Variants in TFEC observed in about 807,000 individuals in gnomAD.
TFEC encodes class E basic helix-loop-helix protein 34.
Under a neutral mutation model 41.6 loss-of-function variants are expected in TFEC, and 31 were observed. That is an observed-to-expected ratio of 0.74 (90% confidence interval 0.56 to 1.01). The LOEUF (loss-of-function observed/expected upper bound fraction) is 1.01. Among genes scored for constraint, TFEC ranks in the 50% least tolerant of loss-of-function variants. The probability of loss-of-function intolerance (pLI) is 0.00; values close to 1 mark genes in which losing one functional copy is unlikely to be tolerated. For synonymous variants in TFEC, 143 were observed against 140.6 expected, an observed-to-expected ratio of 1.02 and a Z score of -0.12; for missense variants, 402 against 404.1, an observed-to-expected ratio of 0.99 and a Z score of 0.04.
chr7:116,110,500 A>T (rs1326123809), intron 3 of TFEC, among the ~76,000 whole-genome samples: 1 of 152,136 alleles, frequency 6.6e-6, no homozygotes, highest in African/African-American at 2.4e-5. Flanking sequence ...TTGTTGCATT[A>T]ATACTTCCAT....
intron 1 of TFEC, among the ~76,000 whole-genome samples, chr7:115,998,426 A>G (rs1794453885): frequency 6.6e-6 from 1 of 152,038 alleles, no homozygotes; most frequent in Admixed American, 6.6e-5. Flanking sequence ...AGAGAAGACC[A>G]CATAACAAAC....
intron 1 of TFEC, among the ~76,000 whole-genome samples, chr7:116,030,058 T>A (rs1795738162): frequency 6.6e-6 from 1 of 152,068 alleles, no homozygotes; most frequent in African/African-American, 2.4e-5. Context: ...AGGGTGAGAC[T>A]CCATCTCAAA....
chr7:115,940,326 A>G lies in TFEC; in HGVS notation c.*225T>C, dbSNP rs1410602985. On this transcript the variant is annotated 3_prime_UTR_variant, in exon 8 of 8. Coordinates refer to ENST00000265440, the MANE Select transcript of TFEC (RefSeq NM_012252.4). The stretch of plus-strand genomic sequence containing the variant: ...GAAAACAGAATTTAAGTGGATTTGG[A>G]CTCCGTAGTCAAAGAAGAAAACACC... 3 of 444,470 alleles carry G rather than the reference A, an allele frequency of 6.7e-6. No individual in the cohort carries two copies. The highest frequency in any genetic ancestry group is 6.1e-5 in the African/African-American group (3 of 49,586). 27.5% of individuals were successfully genotyped at this position (444,470 alleles called of 1,614,324 possible).
intron 4 of TFEC, among the ~76,000 whole-genome samples, chr7:115,955,069 T>C (rs1464054033): frequency 6.6e-6 from 1 of 152,088 alleles, no homozygotes. Flanking sequence ...AAATATTTTA[T>C]TAGTAATTAT....
At chr7:116,113,157 T>A (rs1487805432) in intron 1 of TFEC, among the ~76,000 whole-genome samples, 2 of 151,910 alleles carry the variant, frequency 1.3e-5, no homozygotes, top group African/African-American at 4.8e-5. Flanking sequence ...TTAAACTATA[T>A]CTCCCCCACT....
At chr7:116,060,096 C>T (rs1169377004) in intron 3 of TFEC, among the ~76,000 whole-genome samples, 4 of 151,988 alleles carry the variant, frequency 2.6e-5, no homozygotes, top group African/African-American at 9.7e-5. Flanking sequence ...CTTCCAGAAT[C>T]ATCAAGTAAA....
intron 1 of TFEC, among the ~76,000 whole-genome samples, chr7:116,113,006 T>C (rs535516532): frequency 6.6e-6 from 1 of 152,132 alleles, no homozygotes; most frequent in Non-Finnish European, 1.5e-5. Context: ...TATGAATTCA[T>C]GAAAAATAAA....
intron 6 of TFEC, among the ~76,000 whole-genome samples, chr7:115,942,291 A>G (rs559155867): frequency 6.6e-6 from 1 of 152,158 alleles, no homozygotes; most frequent in Admixed American, 6.6e-5. Context: ...GCTAAATGCA[A>G]TATCATGATT....
chr7:116,052,865 C>A (rs1362349519), intron 3 of TFEC, among the ~76,000 whole-genome samples: 8 of 151,438 alleles, frequency 5.3e-5, no homozygotes, highest in African/African-American at 1.9e-4. Context: ...GTCAGGAGAT[C>A]GAGACCATCC....
At chr7:115,981,947 C>G (rs1793649997) in intron 2 of TFEC, among the ~76,000 whole-genome samples, 1 of 152,136 alleles carries the variant, frequency 6.6e-6, no homozygotes, top group African/African-American at 2.4e-5. Context: ...GAGCCAGGTG[C>G]AAGGGTTAAG....
chr7:116,142,959 G>A (rs1198446531), intron 1 of TFEC, among the ~76,000 whole-genome samples: 1 of 152,198 alleles, frequency 6.6e-6, no homozygotes, highest in Non-Finnish European at 1.5e-5. Context: ...AGTTTTAGCT[G>A]AGTACCTGGT....
chr7:116,001,122 T>C (rs1201083596), intron 1 of TFEC, among the ~76,000 whole-genome samples: 1 of 151,952 alleles, frequency 6.6e-6, no homozygotes, highest in East Asian at 1.9e-4. Context: ...TGAAACAGAA[T>C]AGAGAACCCA....
intron 6 of TFEC, among the ~76,000 whole-genome samples, chr7:115,943,696 T>C (rs1330985096): frequency 1.3e-5 from 2 of 151,576 alleles, no homozygotes; most frequent in Non-Finnish European, 2.9e-5. Context: ...TTATATAGGG[T>C]GGTACCATAT....
At chr7:116,159,225 T>C (rs1798927214) in intron 1 of TFEC, among the ~76,000 whole-genome samples, 1 of 151,988 alleles carries the variant, frequency 6.6e-6, no homozygotes, top group Non-Finnish European at 1.5e-5. Flanking sequence ...AAATTCAAAT[T>C]TATGTATGCC....
intron 3 of TFEC, among the ~76,000 whole-genome samples, chr7:116,039,652 A>G (rs1426388640): frequency 6.6e-6 from 1 of 152,104 alleles, no homozygotes; most frequent in Non-Finnish European, 1.5e-5. Context: ...TACAATTATT[A>G]TTAAAGAAAT....
intron 1 of TFEC, among the ~76,000 whole-genome samples, chr7:116,008,714 C>T (rs1401138516): frequency 6.6e-6 from 1 of 152,214 alleles, no homozygotes; most frequent in Non-Finnish European, 1.5e-5. Context: ...ATGATATACC[C>T]ATAAATCTCA....
At chr7:116,054,046 A>T (rs900142243) in intron 3 of TFEC, among the ~76,000 whole-genome samples, 8 of 152,240 alleles carry the variant, frequency 5.3e-5, no homozygotes, top group African/African-American at 1.9e-4. Context: ...TACAGCTAGT[A>T]GAAGGTGAAG....
chr7:116,093,507 A>G (rs1352990108), intron 3 of TFEC, among the ~76,000 whole-genome samples: 1 of 152,164 alleles, frequency 6.6e-6, no homozygotes, highest in East Asian at 1.9e-4. Context: ...AATTTAATAT[A>G]TGACTAACCT....
chr7:115,961,082 T>C (rs1792520428), intron 3 of TFEC, among the ~76,000 whole-genome samples: 1 of 151,668 alleles, frequency 6.6e-6, no homozygotes, highest in Non-Finnish European at 1.5e-5. Flanking sequence ...TCTTCATTTT[T>C]GAAAAGTCAA....
Sources: allele counts gnomAD v4.1 joint callset (sites outside exome capture counted in the v4.1 genomes callset), GRCh38; gene constraint gnomAD v4.1.1; transcripts MANE v1.5; gene names NCBI Gene and HGNC (gene_info 2026-07-23, HGNC 2026-07-21).